The following TEX11 variants were observed in gnomAD, a reference collection of about 807,000 sequenced individuals.
TEX11 encodes testis expressed 11, also known as testis-expressed protein 11.
TEX11 carries 7 observed loss-of-function variants against 84.4 expected under a neutral mutation model. The ratio of observed to expected loss-of-function variants is 0.08; its 90% CI spans 0.05 to 0.16. The LOEUF (loss-of-function observed/expected upper bound fraction) is 0.16, where lower values mean the gene tolerates loss of function less well. Among genes scored for constraint, TEX11 ranks in the 10% least tolerant of loss-of-function variants. The probability of loss-of-function intolerance (pLI) is 1.00; values close to 1 mark genes in which losing one functional copy is unlikely to be tolerated. For synonymous variants in TEX11, 264 were observed against 222.8 expected (o/e 1.18, Z -1.64); for missense variants, 551 against 660.5 (o/e 0.83, Z 1.82).
At chrX:70,578,554 G>A (rs911765064) in intron 25 of TEX11, among the ~76,000 whole-genome samples, 2 of 110,986 alleles carry the variant, frequency 1.8e-5, no homozygotes, top group Non-Finnish European at 1.9e-5. Flanking sequence ...TCATAAGATC[G>A]CTTTATCTAT....
At chrX:70,833,342 A>C (rs746211032) in intron 8 of TEX11, among the ~76,000 whole-genome samples, 171 bp downstream of exon 8, 39 of 111,913 alleles carry the variant, frequency 3.5e-4, no homozygotes, top group Admixed American at 1.3e-3. Flanking sequence ...AGCTTTTTCA[A>C]ATGCCCTTTC....
intron 8 of TEX11, among the ~76,000 whole-genome samples, chrX:70,811,840 G>C (rs1370547828): frequency 1.8e-5 from 2 of 111,780 alleles, no homozygotes; most frequent in Non-Finnish European, 3.8e-5. Flanking sequence ...AGAAGTGTCT[G>C]TTCATATCCT....
chrX:70,645,641 A>C (rs191102251), intron 17 of TEX11, among the ~76,000 whole-genome samples: 2 of 111,961 alleles, frequency 1.8e-5, no homozygotes, highest in East Asian at 5.6e-4. Flanking sequence ...CATACTAACA[A>C]CAAACTACCT....
chrX:70,799,222 G>A (rs1017200043), intron 9 of TEX11, among the ~76,000 whole-genome samples: 11 of 112,246 alleles, frequency 9.8e-5, no homozygotes, highest in Non-Finnish European at 1.7e-4. Flanking sequence ...ATTTAGCTAT[G>A]TCAATGCAAT....
chrX:70,549,297 C>T (rs1183367446), intron 28 of TEX11, among the ~76,000 whole-genome samples: 2 of 111,470 alleles, frequency 1.8e-5, no homozygotes, highest in African/African-American at 6.5e-5. Flanking sequence ...TTAGGTGAGA[C>T]TCTGAGACAT....
At chrX:70,620,917 G>A (rs772653758) in intron 20 of TEX11, among the ~76,000 whole-genome samples, 6 of 111,845 alleles carry the variant, frequency 5.4e-5, no homozygotes, top group Admixed American at 2.8e-4. Context: ...GGTTGATGAA[G>A]GAGGAATGAA....
chrX:70,793,059 G>A (rs771037442), intron 9 of TEX11, among the ~76,000 whole-genome samples: 2 of 111,532 alleles, frequency 1.8e-5, no homozygotes, highest in African/African-American at 6.5e-5. Context: ...CAATGAATGT[G>A]ACTGACCACA....
intron 7 of TEX11, among the ~76,000 whole-genome samples, chrX:70,843,668 G>T (rs992598324): frequency 2.7e-5 from 3 of 111,431 alleles, no homozygotes; most frequent in Admixed American, 9.6e-5. Flanking sequence ...AGAGTGAACA[G>T]GCAACCTACA....
At position 70,873,291 on chromosome X, in the gene TEX11, A is replaced by G; in HGVS notation, c.176T>C (p.Val59Ala). 8.4e-7 allele frequency: 1 copy of G among 1,195,298 alleles called. No homozygotes were observed. The highest frequency in any genetic ancestry group is 1.1e-6 in the Non-Finnish European group (1 of 880,848). The change falls in exon 4 of 30, where the codon GTA becomes GCA. Residue 59 changes from valine to alanine, a missense_variant. Coordinates refer to ENST00000374333, the MANE Select transcript of TEX11 (RefSeq NM_031276.3). ...ITDIQIEEMA[V>A]NLWNWALTIG... Reference sequence around the variant, plus strand: ...GGTAAGTGCCCAGTTCCATAGGTTTACTGCCATTTCTTCAATCTGGTCAAA... The same window carrying G: ...GGTAAGTGCCCAGTTCCATAGGTTTGCTGCCATTTCTTCAATCTGGTCAAA...
chrX:70,839,795 G>T (rs1434633962), intron 7 of TEX11, among the ~76,000 whole-genome samples: 1 of 111,804 alleles, frequency 8.9e-6, no homozygotes, highest in African/African-American at 3.2e-5. Flanking sequence ...AGTCCTTCAA[G>T]GACCTGATGG....
intron 17 of TEX11, among the ~76,000 whole-genome samples, chrX:70,642,324 G>A (rs914571654): frequency 1.1e-4 from 12 of 111,338 alleles, no homozygotes; most frequent in South Asian, 3.9e-4. Context: ...ATTCACAGCC[G>A]AATTCTACCA....
Position 70,607,408 on chromosome X carries a change from G to A in TEX11, c.1880-379C>T, listed in dbSNP as rs924525327. Among the ~76,000 whole-genome samples the A allele has an allele frequency of 1.9e-3, 208 of 110,481 alleles. 1 individual carries two copies. Among genetic ancestry groups the A allele is most frequent in the African/African-American group, 5.2e-3 (157 of 30,319 alleles). On this transcript the variant is annotated intron_variant, in intron 22 of 29. Coordinates refer to ENST00000374333, the MANE Select transcript of TEX11 (RefSeq NM_031276.3). Reference sequence around the variant, plus strand: ...GTTCAGGACCAGCCTGGGCAACAGAGAGAGACTCCGTCTATACAAAAAAAT... The same window carrying A: ...GTTCAGGACCAGCCTGGGCAACAGAAAGAGACTCCGTCTATACAAAAAAAT...
At chrX:70,519,472 T>G in the TEX11 span, among the ~76,000 whole-genome samples, 2 of 112,402 alleles carry the variant, frequency 1.8e-5, no homozygotes, top group Non-Finnish European at 3.8e-5. Flanking sequence ...GAGTTTCTGC[T>G]GAGAGATCAG....
At chrX:70,774,179 C>T (rs1308210410) in intron 9 of TEX11, among the ~76,000 whole-genome samples, 1 of 109,031 alleles carries the variant, frequency 9.2e-6, no homozygotes, top group Non-Finnish European at 1.9e-5. Context: ...CCCAGCAGCA[C>T]CAGGGCTCGG....
At chrX:70,788,197 A>G (rs765121779) in intron 9 of TEX11, among the ~76,000 whole-genome samples, 4 of 112,164 alleles carry the variant, frequency 3.6e-5, no homozygotes, top group Non-Finnish European at 7.5e-5. Flanking sequence ...AAAAACACCA[A>G]TTAGCAAATG....
At chrX:70,705,085 T>G (rs1377116412) in intron 13 of TEX11, among the ~76,000 whole-genome samples, 2 of 111,986 alleles carry the variant, frequency 1.8e-5, no homozygotes, top group East Asian at 2.8e-4. Flanking sequence ...TTGTCAGGTT[T>G]GTCAAAGATC....
intron 13 of TEX11, among the ~76,000 whole-genome samples, chrX:70,719,182 T>C (rs2090534341): frequency 8.9e-6 from 1 of 112,166 alleles, no homozygotes; most frequent in Admixed American, 9.5e-5. Context: ...TGTTATTATA[T>C]ACACGTTTCA....
chrX:70,546,087 TC>T (rs1288610947), intron 28 of TEX11, among the ~76,000 whole-genome samples: 2 of 112,181 alleles, frequency 1.8e-5, no homozygotes, highest in African/African-American at 6.5e-5. Context: ...TACATTATTT[TC>T]ATTGATCCTT....
intron 4 of TEX11, among the ~76,000 whole-genome samples, chrX:70,861,823 T>G (rs776678922): frequency 9.0e-6 from 1 of 110,858 alleles, no homozygotes; most frequent in Non-Finnish European, 1.9e-5. Flanking sequence ...TCCCAAAGAC[T>G]CACTAAAAAT....
Sources: allele counts gnomAD v4.1 joint callset (sites outside exome capture counted in the v4.1 genomes callset), GRCh38; gene constraint gnomAD v4.1.1; transcripts MANE v1.5; gene names NCBI Gene and HGNC (gene_info 2026-07-23, HGNC 2026-07-21).